The following TENM1 variants were observed in gnomAD, a reference collection of about 807,000 sequenced individuals.
TENM1 encodes the protein teneurin-1.
A neutral mutation model predicts 174.8 loss-of-function variants in TENM1; 35 were observed. The ratio of observed to expected loss-of-function variants is 0.20; its 90% CI spans 0.15 to 0.27. TENM1 has a LOEUF of 0.27. Among genes scored for constraint, TENM1 ranks in the 10% least tolerant of loss-of-function variants. The probability of loss-of-function intolerance (pLI) is 1.00; values close to 1 mark genes in which losing one functional copy is unlikely to be tolerated. For missense variants in TENM1, 1,633 were observed against 2,130.1 expected (o/e 0.77, Z 4.59); for synonymous variants, 781 against 798.7 (o/e 0.98, Z 0.37).
chrX:124,706,948 T>TTC (rs1359856203), intron 4 of TENM1, among the ~76,000 whole-genome samples: 3 of 80,646 alleles, frequency 3.7e-5, no homozygotes, highest in Non-Finnish European at 7.1e-5. Context: ...TCCTTAATCT[T>TTC]TTTTTTTTTT....
chrX:124,856,016 G>A (rs762568198), intron 3 of TENM1, among the ~76,000 whole-genome samples: 18 of 110,167 alleles, frequency 1.6e-4, no homozygotes, highest in African/African-American at 5.6e-4. Flanking sequence ...TGTTGGGTAC[G>A]GTGGTGGGAG....
At chrX:125,099,384 C>A in the TENM1 span, among the ~76,000 whole-genome samples, 2 of 112,352 alleles carry the variant, frequency 1.8e-5, no homozygotes, top group East Asian at 5.6e-4. Flanking sequence ...TCCTTTCTTA[C>A]GTATGAAACC....
intron 27 of TENM1, among the ~76,000 whole-genome samples, chrX:124,395,027 A>T (rs1299263587): frequency 2.7e-5 from 3 of 111,761 alleles, no homozygotes; most frequent in African/African-American, 9.8e-5. Context: ...GTCAAATGAG[A>T]CATGTTAAAA....
At chrX:124,690,600 A>G (rs1247228014) in intron 5 of TENM1, among the ~76,000 whole-genome samples, 1 of 108,628 alleles carries the variant, frequency 9.2e-6, no homozygotes, top group Admixed American at 9.9e-5. Context: ...TTGGATTCCA[A>G]ATGTTGAAGG....
At chrX:124,507,817 C>T (rs1211763554) in intron 18 of TENM1, among the ~76,000 whole-genome samples, 1 of 111,843 alleles carries the variant, frequency 8.9e-6, no homozygotes, top group Non-Finnish European at 1.9e-5. Flanking sequence ...CTTTCAACAG[C>T]TTCAGGCTAA....
At chrX:125,114,642 G>T in the TENM1 span, among the ~76,000 whole-genome samples, 2 of 111,023 alleles carry the variant, frequency 1.8e-5, no homozygotes, top group South Asian at 7.5e-4. Context: ...AAATCTAGAA[G>T]AAATGGATAA....
intron 23 of TENM1, among the ~76,000 whole-genome samples, chrX:124,452,774 C>A (rs1421429170): frequency 2.9e-5 from 3 of 104,940 alleles, no homozygotes; most frequent in Non-Finnish European, 5.8e-5. Flanking sequence ...GGACAAAAAA[C>A]CAAACATCGC....
the TENM1 span, among the ~76,000 whole-genome samples, chrX:124,976,663 A>G: frequency 1.8e-5 from 2 of 112,036 alleles, no homozygotes; most frequent in Admixed American, 1.9e-4. Flanking sequence ...GATGCTATGA[A>G]TGAAACCAGA....
rs1260036164 is a variant in TENM1 at position 124,870,811 on chromosome X, A to G, written c.535+23485T>C. 5.4e-5 allele frequency among the ~76,000 whole-genome samples: 6 copies of G among 111,412 alleles called. No individual in the cohort carries two copies. In the South Asian group the frequency reaches 1.9e-3, roughly 36 times the overall value. ...TGAGTGAAATGAGAAGCCATTTGCA[A>G]TATTTTTAGCAGAGTCGACTCATAT... On this transcript the variant is annotated intron_variant, in intron 3 of 31. Transcript: ENST00000422452.
chrX:124,980,468 G>GT, the TENM1 span, among the ~76,000 whole-genome samples: 1 of 111,004 alleles, frequency 9.0e-6, no homozygotes, highest in South Asian at 3.8e-4. Flanking sequence ...GCTGAAAAAT[G>GT]TAAGTTTAAA....
At chrX:125,067,598 T>C in the TENM1 span, among the ~76,000 whole-genome samples, 1 of 111,981 alleles carries the variant, frequency 8.9e-6, no homozygotes, top group Non-Finnish European at 1.9e-5. Flanking sequence ...GTAACTCAGT[T>C]CAGTCATCAA....
At chrX:124,869,730 C>T (rs1031460603) in intron 3 of TENM1, among the ~76,000 whole-genome samples, 1 of 108,979 alleles carries the variant, frequency 9.2e-6, no homozygotes, top group East Asian at 2.9e-4. Context: ...CACAGAAAGA[C>T]AAGCATTGCA....
intron 23 of TENM1, among the ~76,000 whole-genome samples, chrX:124,438,987 A>G (rs2060875648): frequency 8.9e-6 from 1 of 111,890 alleles, no homozygotes; most frequent in African/African-American, 3.2e-5. Flanking sequence ...TTTTATATAT[A>G]TAATAGACTT....
intron 3 of TENM1, among the ~76,000 whole-genome samples, chrX:124,744,103 T>C (rs2148564264): frequency 9.0e-6 from 1 of 111,610 alleles, no homozygotes; most frequent in East Asian, 2.8e-4. Flanking sequence ...TACTCAATAT[T>C]CCTGCCAATA....
chrX:124,420,855 A>G (rs1294709582), intron 24 of TENM1, 34 bp from the exon 28 acceptor site: 1 of 1,168,679 alleles, frequency 8.6e-7, no homozygotes, highest in Non-Finnish European at 1.2e-6. Context: ...AACAATTGGC[A>G]TCATAAGCAT....
At chrX:124,981,140 A>G in the TENM1 span, among the ~76,000 whole-genome samples, 5 of 111,848 alleles carry the variant, frequency 4.5e-5, no homozygotes, top group South Asian at 1.9e-3. Context: ...CCGCTGACAT[A>G]GCAGATCAGA....
At chrX:124,799,305 T>C (rs1314479241) in intron 3 of TENM1, among the ~76,000 whole-genome samples, 1 of 111,737 alleles carries the variant, frequency 8.9e-6, no homozygotes, top group Non-Finnish European at 1.9e-5. Context: ...TTTCATGATA[T>C]TGATTCTTTC....
intron 3 of TENM1, among the ~76,000 whole-genome samples, chrX:124,770,534 T>C (rs1304158534): frequency 1.8e-5 from 2 of 110,654 alleles, no homozygotes; most frequent in African/African-American, 6.6e-5. Context: ...GCCTCCCGAG[T>C]AGCTGGTACC....
chrX:124,589,154 A>G (rs2049657111), intron 11 of TENM1, among the ~76,000 whole-genome samples: 1 of 106,402 alleles, frequency 9.4e-6, no homozygotes, highest in Non-Finnish European at 1.9e-5. Flanking sequence ...TTCCACATCT[A>G]TTGAGATGGT....
Sources: gnomAD v4.1 joint callset for allele counts (sites outside exome capture counted in the v4.1 genomes callset) on GRCh38, gnomAD v4.1.1 for gene constraint, MANE v1.5 for transcripts, NCBI Gene and HGNC (gene_info 2026-07-23, HGNC 2026-07-21) for gene names.